KHDRBS2: variants seen among roughly 807,000 people sequenced by gnomAD.
KHDRBS2 encodes the protein KH RNA binding domain containing, signal transduction associated 2.
In KHDRBS2, 26 loss-of-function variants were observed where a neutral mutation model predicts 44.3. The ratio of observed to expected loss-of-function variants is 0.59; its 90% confidence interval spans 0.43 to 0.81. The LOEUF (loss-of-function observed/expected upper bound fraction) is 0.81. Ranked by LOEUF, KHDRBS2 falls within the 40% of genes least tolerant of loss-of-function variation. The pLI is 0.00. For missense variants in KHDRBS2, 476 were observed against 433.1 expected (o/e 1.10, Z -0.88); for synonymous variants, 194 against 151.1 (o/e 1.28, Z -2.08).
At chr6:62,046,632 T>C (rs1282432640) in intron 3 of KHDRBS2, among the ~76,000 whole-genome samples, 2 of 151,984 alleles carry the variant, frequency 1.3e-5, no homozygotes, top group African/African-American at 4.8e-5. Flanking sequence ...TAATTATGTG[T>C]CATTTTCTCC....
At chr6:61,835,749 G>C (rs1364266675) in intron 6 of KHDRBS2, among the ~76,000 whole-genome samples, 1 of 151,012 alleles carries the variant, frequency 6.6e-6, no homozygotes, top group African/African-American at 2.4e-5. Context: ...GCATGAGAGA[G>C]AAAGATTGAG....
At chr6:61,982,460 A>T (rs1774037178) in intron 3 of KHDRBS2, among the ~76,000 whole-genome samples, 1 of 152,012 alleles carries the variant, frequency 6.6e-6, no homozygotes, top group Admixed American at 6.6e-5. Context: ...TCACGAGGTC[A>T]GGAGATCGAG....
chr6:61,844,737 A>C (rs1794115834), intron 6 of KHDRBS2, among the ~76,000 whole-genome samples: 1 of 114,160 alleles, frequency 8.8e-6, no homozygotes, highest in Non-Finnish European at 1.9e-5. Context: ...TATTCTTGAT[A>C]CTCCTGTTCA....
At chr6:62,050,878 G>C (rs1788870445) in intron 2 of KHDRBS2, among the ~76,000 whole-genome samples, 1 of 152,022 alleles carries the variant, frequency 6.6e-6, no homozygotes, top group South Asian at 2.1e-4. Context: ...TCACCATTAA[G>C]CCAGATGTAA....
the KHDRBS2 span, among the ~76,000 whole-genome samples, chr6:61,654,275 A>G: frequency 6.6e-6 from 1 of 152,010 alleles, no homozygotes; most frequent in African/African-American, 2.4e-5. Context: ...ATAATTTTTG[A>G]GTGTCTTGTG....
the KHDRBS2 span, among the ~76,000 whole-genome samples, chr6:61,582,810 A>C: frequency 2.0e-5 from 3 of 151,618 alleles, no homozygotes; most frequent in Admixed American, 2.0e-4. Flanking sequence ...TCTAGACCTC[A>C]TTTTACATTT....
At chr6:61,651,767 G>T in the KHDRBS2 span, among the ~76,000 whole-genome samples, 2 of 152,042 alleles carry the variant, frequency 1.3e-5, no homozygotes, top group Non-Finnish European at 2.9e-5. Context: ...TTAGTCATCA[G>T]AATTTTTTAT....
the KHDRBS2 span, among the ~76,000 whole-genome samples, chr6:61,553,380 T>C: frequency 0.59 from 89,777 of 151,796 alleles, 26,742 homozygotes; most frequent in Non-Finnish European, 0.61. Flanking sequence ...ACTTTATTCT[T>C]ATCTGCCCTC....
chr6:62,191,606 G>A (rs1339799186), intron 1 of KHDRBS2, among the ~76,000 whole-genome samples: 1 of 151,980 alleles, frequency 6.6e-6, no homozygotes, highest in Non-Finnish European at 1.5e-5. Flanking sequence ...AGATAACTTA[G>A]AATTTAAACT....
At chr6:61,809,749 A>G (rs1335957582) in intron 6 of KHDRBS2, among the ~76,000 whole-genome samples, 1 of 152,160 alleles carries the variant, frequency 6.6e-6, no homozygotes, top group Non-Finnish European at 1.5e-5. Context: ...CCTACCTGAC[A>G]ACCTCTTCTT....
intron 6 of KHDRBS2, among the ~76,000 whole-genome samples, chr6:61,850,112 G>A (rs1156421791): frequency 6.6e-6 from 1 of 151,998 alleles, no homozygotes. Context: ...TCCATCTTTG[G>A]ATTACCTTTC....
At chr6:61,837,507 T>A (rs1203813627) in intron 6 of KHDRBS2, among the ~76,000 whole-genome samples, 1 of 151,996 alleles carries the variant, frequency 6.6e-6, no homozygotes, top group Non-Finnish European at 1.5e-5. Flanking sequence ...TAAGACAATG[T>A]TCAAACATTT....
chr6:61,643,462 A>T, the KHDRBS2 span, among the ~76,000 whole-genome samples: 1 of 152,142 alleles, frequency 6.6e-6, no homozygotes, highest in African/African-American at 2.4e-5. Flanking sequence ...CCCTGGCCAG[A>T]GCAATCAGGC....
At chr6:62,145,249 T>G (rs1053786890) in intron 2 of KHDRBS2, among the ~76,000 whole-genome samples, 7 of 147,762 alleles carry the variant, frequency 4.7e-5, no homozygotes. Context: ...TCCTACTGCT[T>G]TCTCTTTTTT....
intron 3 of KHDRBS2, among the ~76,000 whole-genome samples, chr6:62,016,513 T>A (rs1781230920): frequency 6.7e-6 from 1 of 150,068 alleles, no homozygotes; most frequent in Non-Finnish European, 1.5e-5. Flanking sequence ...ACATAGATAA[T>A]ATAAATACCT....
the KHDRBS2 span, chr6:61,652,414 T>G: frequency 6.6e-6 from 1 of 151,862 alleles, no homozygotes; most frequent in Non-Finnish European, 1.5e-5. Flanking sequence ...TACATATACA[T>G]GCATCTACTT....
intron 4 of KHDRBS2, among the ~76,000 whole-genome samples, chr6:61,955,482 GTA>G (rs1340332776): frequency 0.18 from 9,152 of 51,486 alleles, 3,305 homozygotes; most frequent in African/African-American, 0.26. Context: ...ATACACATAT[GTA>G]TGTATGTATA....
chr6:61,732,732 A>G lies in KHDRBS2; in HGVS notation c.843T>C (p.Asp281=). 1 of 1,611,604 alleles carries G rather than the reference A, an allele frequency of 6.2e-7. No individual in the cohort carries two copies. Among genetic ancestry groups the G allele is most frequent in the African/African-American group, 1.3e-5 (1 of 74,984 alleles). ...TATCATAAGTCTCATAGGTCTGGTC[A>G]TCATATTCACCCCCGTAGCCATCAT... ...GYDDGYGGEY[D]DQTYETYDNS... The change falls in exon 7 of 9, where the codon GAT becomes GAC. Residue 281 remains aspartate, a synonymous_variant. Transcript: ENST00000281156.
In KHDRBS2 at chr6:62,156,838, A is replaced by AT. The variant is rs34408265; in HGVS notation, c.219+20346dup. Reference sequence around the variant, plus strand: ...AGGTGCCCGCCACCACGCCCGGCTAATTTTTTTTTTTTTTTTTTTTGTATT... The same window carrying AT: ...AGGTGCCCGCCACCACGCCCGGCTAATTTTTTTTTTTTTTTTTTTTTGTATT... On this transcript the variant is annotated intron_variant, in intron 2 of 8. Transcript: ENST00000281156. Among the ~76,000 whole-genome samples, 811 of 123,984 alleles carry AT rather than the reference A, an allele frequency of 6.5e-3. 7 individuals are homozygous for AT. Among genetic ancestry groups the AT allele is most frequent in the East Asian group, 0.02 (80 of 4,030 alleles). The allele number at this position is 123,984 out of a possible 152,430, so 81.3% of individuals were successfully genotyped here.
Sources: allele counts gnomAD v4.1 joint callset (sites outside exome capture counted in the v4.1 genomes callset), GRCh38; gene constraint gnomAD v4.1.1; transcripts MANE v1.5; gene names NCBI Gene and HGNC (gene_info 2026-07-23, HGNC 2026-07-21).